TFB2M: variants seen among roughly 807,000 people sequenced by gnomAD.
TFB2M encodes the protein dimethyladenosine transferase 2, mitochondrial.
TFB2M carries 44 observed loss-of-function variants against 41.3 expected under a neutral mutation model. That is an observed-to-expected ratio of 1.07 (90% CI 0.84 to 1.37). The LOEUF is 1.37. Among genes scored for constraint, TFB2M ranks in the 40% most tolerant of loss-of-function variants. TFB2M has a pLI of 0.00. For synonymous variants in TFB2M, 188 were observed against 176.8 expected (o/e 1.06, Z -0.50); for missense variants, 496 against 490.2 (o/e 1.01, Z -0.11).
In TFB2M at chr1:246,548,562, C is replaced by T; in HGVS notation, c.841G>A (p.Glu281Lys). The change falls in exon 6 of 8, where the codon GAA becomes AAA. Residue 281 changes from glutamate to lysine, a missense_variant. Transcript: ENST00000366514. ...FDIYTRKGPL[E>K]NPKRRELLDQ... ...ATTCTTACCCTACGCTTTGGGTTTTCCAGCGGCCCTTTCCGGGTGTATATA... is the reference window on the plus strand; with the variant it reads ...ATTCTTACCCTACGCTTTGGGTTTTTCAGCGGCCCTTTCCGGGTGTATATA... 1 of 1,613,346 alleles carries T rather than the reference C, an allele frequency of 6.2e-7. No individual in the cohort carries two copies.
intron 3 of TFB2M, 31 bp downstream of exon 3, chr1:246,557,350 G>C (rs201654157): frequency 1.3e-6 from 2 of 1,594,178 alleles, no homozygotes; most frequent in South Asian, 1.1e-5. Context: ...GCAAATTCTA[G>C]GTATTTGCTT....
At chr1:246,546,417 C>T (rs890450405) in intron 6 of TFB2M, among the ~76,000 whole-genome samples, 8 of 151,964 alleles carry the variant, frequency 5.3e-5, no homozygotes, top group African/African-American at 1.9e-4. Flanking sequence ...AGTTTGAGAC[C>T]AGCCTGGCCA....
intron 2 of TFB2M, 97 bp from the exon 3 acceptor site, chr1:246,557,631 G>T: frequency 9.6e-7 from 1 of 1,036,340 alleles, no homozygotes; most frequent in Non-Finnish European, 1.3e-6. Flanking sequence ...ATAATAAAAT[G>T]TAAAAATAAA....
intron 6 of TFB2M, among the ~76,000 whole-genome samples, chr1:246,544,973 T>C (rs1209474439): frequency 5.3e-5 from 8 of 151,834 alleles, no homozygotes; most frequent in African/African-American, 1.5e-4. Context: ...GCCTGGCTAA[T>C]TTTTTGTATT....
intron 2 of TFB2M, among the ~76,000 whole-genome samples, chr1:246,562,323 A>G (rs1659477863): frequency 6.6e-6 from 1 of 152,236 alleles, no homozygotes; most frequent in Non-Finnish European, 1.5e-5. Context: ...TTAAAGACCC[A>G]AAGGATTTCC....
At chr1:246,546,983 A>ACACACACACAAACACACACACACT (rs764498048) in intron 6 of TFB2M, among the ~76,000 whole-genome samples, 2 of 127,180 alleles carry the variant, frequency 1.6e-5, no homozygotes, top group African/African-American at 5.9e-5. Context: ...ACACACACAC[A>ACACACACACAAACACACACACACT]TTTTTTTTTT....
At chr1:246,565,533 G>A (rs773473835) in intron 1 of TFB2M, among the ~76,000 whole-genome samples, 1 of 152,164 alleles carries the variant, frequency 6.6e-6, no homozygotes, top group Non-Finnish European at 1.5e-5. Flanking sequence ...CCAACACGGC[G>A]AAATCCCGTC....
intron 6 of TFB2M, among the ~76,000 whole-genome samples, chr1:246,548,293 T>C (rs1400006275): frequency 6.6e-6 from 1 of 152,194 alleles, no homozygotes; most frequent in Non-Finnish European, 1.5e-5. Context: ...GTACCTTCAT[T>C]TCAAAAGATA....
rs1475768493 is a variant in TFB2M at position 246,566,206 on chromosome 1, T to C, written c.-68A>G. 2 of 1,502,840 alleles carry C rather than the reference T, an allele frequency of 1.3e-6. No homozygotes were observed. Among genetic ancestry groups the C allele is most frequent in the Non-Finnish European group, 9.0e-7 (1 of 1,111,596 alleles). The allele number at this position is 1,502,840 out of a possible 1,614,324, so 93.1% of individuals were successfully genotyped here. A position where few individuals can be genotyped will look rare whatever the true frequency, so the allele number is the denominator to read the frequency against. On this transcript the variant is annotated 5_prime_UTR_variant, in exon 1 of 8. The change creates a new upstream start codon in the 5' untranslated region. Transcript: ENST00000366514. ...CTACTACAGTGAACCCCACGCAGGG[T>C]ATCCCACGTGGAACATTTTCTGGCG...
At chr1:246,551,068 C>T (rs1038579871) in intron 5 of TFB2M, 145 bp downstream of exon 5, 13 of 602,922 alleles carry the variant, frequency 2.2e-5, no homozygotes, top group African/African-American at 3.7e-5. Flanking sequence ...CCAGCTACTC[C>T]AGAGGCTAAG....
chr1:246,556,623 T>G lies in TFB2M; in HGVS notation c.655A>C (p.Lys219Gln). 1 of 1,557,430 alleles carries G rather than the reference T, an allele frequency of 6.4e-7. No individual in the cohort carries two copies. The highest frequency in any genetic ancestry group is 1.2e-5 in the South Asian group (1 of 81,782). The part of the protein sequence containing the change: ...YDLYSCTSIY[K>Q]FGRIEVNMFI... ...ATATTTACTTCTATTCGTCCAAATT[T>G]ATATATAGAAGTACAGGAATACAAG... is the stretch of plus-strand genomic sequence containing the variant. The change falls in exon 4 of 8, where the codon AAA (lysine) becomes CAA (glutamine). Residue 219 changes from lysine to glutamine, a missense_variant. By Grantham distance (53) the Lys-to-Gln change is moderately conservative (BLOSUM62 1). Transcript: ENST00000366514.
chr1:246,560,516 CCT>C (rs1007912081), intron 2 of TFB2M, among the ~76,000 whole-genome samples: 1 of 152,014 alleles, frequency 6.6e-6, no homozygotes, highest in Non-Finnish European at 1.5e-5. Flanking sequence ...GGAGTGAGAC[CCT>C]GTCTCAAAAA....
intron 2 of TFB2M, 78 bp downstream of exon 2, chr1:246,564,268 G>T: frequency 8.1e-7 from 1 of 1,232,972 alleles, no homozygotes; most frequent in Non-Finnish European, 1.2e-6. Flanking sequence ...AAAACACTGT[G>T]TGCTTAATTC....
At position 246,551,224 on chromosome 1, in the gene TFB2M, C is replaced by A. The variant is rs988862969; in HGVS notation, c.784G>T (p.Val262Phe). 2 of 1,613,482 alleles carry A rather than the reference C, an allele frequency of 1.2e-6. No homozygotes were observed. The highest frequency in any genetic ancestry group is 1.1e-5 in the South Asian group (1 of 91,070). Residue 262 changes from valine to phenylalanine, a missense_variant, in exon 5 of 8, where the codon GTT (valine) becomes TTT (phenylalanine). Physicochemically the swap from Val to Phe is conservative, Grantham distance 50. Transcript: ENST00000366514. ...AGGATTTTACTCACCATGTGCAGAA[C>A]CTTAATCTCACAAGCTAATTGCCAG... ...VIWQLACEIK[V>F]LHMEPWSSFD...
At chr1:246,553,087 TG>T (rs1331564169) in intron 4 of TFB2M, among the ~76,000 whole-genome samples, 30 of 152,164 alleles carry the variant, frequency 2.0e-4, no homozygotes, top group African/African-American at 7.2e-4. Flanking sequence ...CTGGGCATGG[TG>T]GCGCGTGCCT....
Position 246,565,980 on chromosome 1 carries a change from G to A in TFB2M, c.159C>T (p.Pro53=), listed in dbSNP as rs748311392. The A allele has an allele frequency of 6.2e-7, 1 of 1,614,058 alleles. No individual in the cohort carries two copies. Among genetic ancestry groups the A allele is most frequent in the South Asian group, 1.1e-5 (1 of 91,074 alleles). Residue 53 remains proline, a synonymous_variant, in exon 1 of 8, where the codon CCC becomes CCT. Coordinates refer to ENST00000366514, the MANE Select transcript of TFB2M (RefSeq NM_022366.3). ...GLSDSSPQLW[P]EPDFRNPPRK... ...TTGGCGGATTCCTGAAATCCGGTTC[G>A]GGCCACAGCTGCGGAGAGGAGTCAG... is the stretch of plus-strand genomic sequence containing the variant.
At position 246,546,983 on chromosome 1, in the gene TFB2M, A is replaced by ACACTTT. The variant is rs764498048; in HGVS notation, c.858+1561_858+1562insAAAGTG. 6.3e-5 allele frequency among the ~76,000 whole-genome samples: 8 copies of ACACTTT among 127,178 alleles called. 1 individual carries two copies. The highest frequency in any genetic ancestry group is 2.4e-4 in the South Asian group (1 of 4,120). The allele number at this position is 127,178 out of a possible 152,430, so 83.4% of individuals were successfully genotyped here. A position where few individuals can be genotyped will look rare whatever the true frequency, so the allele number is the denominator to read the frequency against. ...TGTATATATACACACACACACACAC[A>ACACTTT]TTTTTTTTTTTTTTTTTTGAGACAA... On this transcript the variant is annotated intron_variant, in intron 6 of 7. Coordinates refer to ENST00000366514, the MANE Select transcript of TFB2M (RefSeq NM_022366.3).
chr1:246,545,812 GAAA>G (rs869274564), intron 6 of TFB2M, among the ~76,000 whole-genome samples: 10 of 52,718 alleles, frequency 1.9e-4, no homozygotes, highest in African/African-American at 5.4e-4. Flanking sequence ...ACCCTGATTC[GAAA>G]AAAAAAAAAA....
rs772712500 is a variant in TFB2M at position 246,548,550 on chromosome 1, G to A, written c.853C>T (p.Arg285Cys). 15 of 1,613,118 alleles carry A rather than the reference G, an allele frequency of 9.3e-6. No individual in the cohort carries two copies. In the Admixed American group the frequency reaches 1.2e-4, roughly 13 times the overall value. ...TRKGPLENPK[R>C]RELLDQLQQK... ...AGGTATTATTTTATTCTTACCCTAC[G>A]CTTTGGGTTTTCCAGCGGCCCTTTC... The change falls in exon 6 of 8, where the codon CGT becomes TGT. Residue 285 changes from arginine (R) to cysteine (C), a missense_variant. Arg to Cys is a radical substitution (Grantham distance 180). Coordinates refer to ENST00000366514, the MANE Select transcript of TFB2M (RefSeq NM_022366.3).
Sources: allele counts gnomAD v4.1 joint callset (sites outside exome capture counted in the v4.1 genomes callset), GRCh38; gene constraint gnomAD v4.1.1; transcripts MANE v1.5; gene names NCBI Gene and HGNC (gene_info 2026-07-23, HGNC 2026-07-21).